Variants in SLC22A12 observed in about 807,000 individuals in gnomAD.
The protein encoded by SLC22A12 is solute carrier family 22 member 12, also known as organic anion transporter 4-like protein.
In SLC22A12, 56 loss-of-function variants were observed where a neutral mutation model predicts 52.7. That is an observed-to-expected ratio of 1.06 (90% CI 0.86 to 1.33). The LOEUF is 1.33. Ranked by LOEUF, SLC22A12 falls within the 40% of genes most tolerant of loss-of-function variation. The pLI is 0.00. For missense variants in SLC22A12, 683 were observed against 741.5 expected (o/e 0.92, Z 0.92); for synonymous variants, 337 against 324.6 (o/e 1.04, Z -0.41).
At chr11:64,599,599 C>A (rs1160872996) in intron 6 of SLC22A12, 77 bp from the exon 7 acceptor site, 13 of 702,536 alleles carry the variant, frequency 1.9e-5, no homozygotes, top group Non-Finnish European at 2.5e-5. Flanking sequence ...GAGCCCCCAC[C>A]GCCCATTGTT....
In SLC22A12 at chr11:64,591,463, A is replaced by G. The variant is rs1591385661; in HGVS notation, c.-94A>G. Reference sequence around the variant, plus strand: ...GGCTGGAGAAGCCACTGTGGGCACCACCGTGGGGGAAACAGGCCCGTTGCC... The same window carrying G: ...GGCTGGAGAAGCCACTGTGGGCACCGCCGTGGGGGAAACAGGCCCGTTGCC... On this transcript the variant is annotated 5_prime_UTR_variant, in exon 1 of 10. Coordinates refer to ENST00000377574, the MANE Select transcript of SLC22A12 (RefSeq NM_144585.4). The G allele has an allele frequency of 5.8e-6, 9 of 1,553,338 alleles. No homozygotes were observed. In the East Asian group the frequency reaches 2.0e-4, roughly 35 times the overall value.
chr11:64,597,270 C>A (rs959240877), intron 4 of SLC22A12, among the ~76,000 whole-genome samples: 12 of 152,126 alleles, frequency 7.9e-5, no homozygotes. Flanking sequence ...CACACTCTCT[C>A]CCTCAGGCAG....
Position 64,599,851 on chromosome 11 carries a change from G to A in SLC22A12, c.1246G>A (p.Ala416Thr), listed in dbSNP as rs780122850. 1 of 1,612,764 alleles carries A rather than the reference G, an allele frequency of 6.2e-7. No homozygotes were observed. Among genetic ancestry groups the A allele is most frequent in the Admixed American group, 1.7e-5 (1 of 60,002 alleles). Residue 416 changes from alanine to threonine, a missense_variant, in exon 7 of 10, where the codon GCA (alanine) becomes ACA (threonine). Ala to Thr is a moderately conservative substitution (Grantham distance 58, BLOSUM62 0). Transcript: ENST00000377574. ...RPTLAASLLLAGLCILANTLV... is the reference protein window; with the variant it reads ...RPTLAASLLLTGLCILANTLV... ...CACGCTGGCCGCATCCCTGTTGCTG[G>A]CAGGGCTCTGCATTCTGGCCAACAC...
chr11:64,599,932 G>A (rs538629966), intron 7 of SLC22A12, 42 bp downstream of exon 7: 11 of 1,584,278 alleles, frequency 6.9e-6, no homozygotes, highest in East Asian at 4.6e-5. Context: ...CCCTACCTTG[G>A]GGGGGTCTCG....
In SLC22A12 at chr11:64,602,257, C is replaced by T; in HGVS notation, c.*706C>T. 6.1e-6 allele frequency: 1 copy of T among 163,474 alleles called. No individual in the cohort carries two copies. Among genetic ancestry groups the T allele is most frequent in the Non-Finnish European group, 1.3e-5 (1 of 74,638 alleles). The allele number at this position is 163,474 out of a possible 1,614,324, so 10.1% of individuals were successfully genotyped here. A position where few individuals can be genotyped will look rare whatever the true frequency, so the allele number is the denominator to read the frequency against. On this transcript the variant is annotated 3_prime_UTR_variant, in exon 10 of 10. Coordinates refer to ENST00000377574, the MANE Select transcript of SLC22A12 (RefSeq NM_144585.4). ...CCTATGAGTTCCCAGAGGGTTGGGG[C>T]AGTCCCATGACCCCATGTCCCAGCT...
rs566642658 is a variant in SLC22A12, at chr11:64,599,785, A to G, written c.1180A>G (p.Met394Val). 3.7e-6 allele frequency: 6 copies of G among 1,612,866 alleles called. No homozygotes were observed. The highest frequency in any genetic ancestry group is 2.7e-5 in the African/African-American group (2 of 74,918). The change falls in exon 7 of 10, where the codon ATG becomes GTG. Residue 394 changes from methionine to valine, a missense_variant. Transcript: ENST00000377574. ...TGGTGTCGTGGACATCCCAGCCAAG[A>G]TGGGCGCCCTGCTGCTGCTGAGCCA... ...FIGVVDIPAK[M>V]GALLLLSHLG...
Position 64,599,773 on chromosome 11 carries a change from A to C in SLC22A12, c.1168A>C (p.Ile390Leu). The change falls in exon 7 of 10, where the codon ATC becomes CTC. Residue 390 changes from isoleucine (I) to leucine (L), a missense_variant. Physicochemically the swap from Ile to Leu is conservative, Grantham distance 5. Transcript: ENST00000377574. ...CCAAATGTTCATTGGTGTCGTGGACATCCCAGCCAAGATGGGCGCCCTGCT... is the reference window on the plus strand; with the variant it reads ...CCAAATGTTCATTGGTGTCGTGGACCTCCCAGCCAAGATGGGCGCCCTGCT... ...LLQMFIGVVDIPAKMGALLLL... is the reference protein window; with the variant it reads ...LLQMFIGVVDLPAKMGALLLL... 1 of 1,612,628 alleles carries C rather than the reference A, an allele frequency of 6.2e-7. No homozygotes were observed. Among genetic ancestry groups the C allele is most frequent in the Non-Finnish European group, 8.5e-7 (1 of 1,179,782 alleles).
Position 64,592,782 on chromosome 11 carries a change from A to C in SLC22A12, c.406A>C (p.Asn136His). 6.2e-7 allele frequency: 1 copy of C among 1,613,220 alleles called. No individual in the cohort carries two copies. The highest frequency in any genetic ancestry group is 8.5e-7 in the Non-Finnish European group (1 of 1,179,588). The stretch of plus-strand genomic sequence containing the variant: ...CAGCCTCCTCCTCTCCCATCAGTGG[A>C]ACCTCGTGTGTGACTCTCATGCTCT... ...IFTSTIVAKW[N>H]LVCDSHALKP... Residue 136 changes from asparagine (N) to histidine (H), a missense_variant, in exon 2 of 10, where the codon AAC becomes CAC. By Grantham distance (68) the Asn-to-His change is moderately conservative. Coordinates refer to ENST00000377574, the MANE Select transcript of SLC22A12 (RefSeq NM_144585.4).
intron 4 of SLC22A12, 38 bp from the exon 5 acceptor site, chr11:64,598,478 C>T (rs1414198475): frequency 6.4e-7 from 1 of 1,553,136 alleles, no homozygotes; most frequent in Non-Finnish European, 8.7e-7. Flanking sequence ...CACTGGGGGC[C>T]ACAGGCAATG....
At chr11:64,596,100 G>A (rs1490021030) in intron 4 of SLC22A12, among the ~76,000 whole-genome samples, 1 of 151,446 alleles carries the variant, frequency 6.6e-6, no homozygotes, top group African/African-American at 2.4e-5. Flanking sequence ...ATGGATGGAT[G>A]GATGGAATGG....
Position 64,593,474 on chromosome 11 carries a change from C to T in SLC22A12, c.576C>T (p.Phe192=), listed in dbSNP as rs747260736. 1.7e-5 allele frequency: 28 copies of T among 1,613,992 alleles called. No individual in the cohort carries two copies. Among genetic ancestry groups the T allele is most frequent in the Admixed American group, 6.7e-5 (4 of 60,016 alleles). ...CTGTGATGGGTACGGCAGCTGCCTT[C>T]GCCCCTGCCTTCCCCGTGTACTGCC... ...QMAVMGTAAA[F]APAFPVYCLF... is the part of the protein sequence containing the mutation. The change falls in exon 3 of 10, where the codon TTC becomes TTT. Residue 192 remains phenylalanine, a synonymous_variant. Coordinates refer to ENST00000377574, the MANE Select transcript of SLC22A12 (RefSeq NM_144585.4).
chr11:64,593,252 C>T lies in SLC22A12; in HGVS notation c.507-153C>T, dbSNP rs371761990. Among the ~76,000 whole-genome samples, 34 of 152,374 alleles carry T rather than the reference C, an allele frequency of 2.2e-4. No homozygotes were observed. The East Asian group carries it at 2.9e-3, about 13-fold the overall frequency. ...ACTCTCCTTGTGCTCCGGAGGGTTC[C>T]GTAGGTGGAGAATGTAGGTTTCACC... On this transcript the variant is annotated intron_variant, in intron 2 of 9. Coordinates refer to ENST00000377574, the MANE Select transcript of SLC22A12 (RefSeq NM_144585.4).
At chr11:64,592,315 G>A (rs912842290) in intron 1 of SLC22A12, among the ~76,000 whole-genome samples, 6 of 152,166 alleles carry the variant, frequency 3.9e-5, no homozygotes, top group Non-Finnish European at 7.3e-5. Flanking sequence ...TGGATTCCCC[G>A]AGACCAAAGC....
In SLC22A12 at chr11:64,591,766, G is replaced by A; in HGVS notation, c.210G>A (p.Glu70=). The stretch of plus-strand genomic sequence containing the variant: ...GCATCCTAGGGAGCTTGAGTCCTGA[G>A]GCCCTCCTGGCTATTTCCATCCCGC... ...QASILGSLSP[E]ALLAISIPPG... The change falls in exon 1 of 10, where the codon GAG becomes GAA. Residue 70 remains glutamate (E), a synonymous_variant. Transcript: ENST00000377574. The A allele has an allele frequency of 3.1e-6, 5 of 1,612,946 alleles. No homozygotes were observed. The highest frequency in any genetic ancestry group is 4.2e-6 in the Non-Finnish European group (5 of 1,180,020).
chr11:64,592,735 G>A (rs2135442331), intron 1 of SLC22A12, 44 bp from the exon 2 acceptor site: 1 of 1,533,904 alleles, frequency 6.5e-7, no homozygotes. Flanking sequence ...TCTCTGCTGG[G>A]GCTCTCCCAA....
rs963971460 is a variant in SLC22A12 at position 64,591,505 on chromosome 11, G to C, written c.-52G>C. ...CCCGTTGCCCTGGCCTCTTTGCCCT[G>C]GGCCAGCCTTTGTGAAGTGGGCCCC... On this transcript the variant is annotated 5_prime_UTR_variant, in exon 1 of 10. Coordinates refer to ENST00000377574, the MANE Select transcript of SLC22A12 (RefSeq NM_144585.4). 40 of 1,603,136 alleles carry C rather than the reference G, an allele frequency of 2.5e-5. No individual in the cohort carries two copies. The African/African-American group carries it at 4.4e-4, about 18-fold the overall frequency.
chr11:64,598,859 A>T lies in SLC22A12; in HGVS notation c.1006A>T (p.Ser336Cys). ...GCTGAGCATGGGCCAGCCTCCTGCC[A>T]GCCTGGGCACCCTGCTCCGCATGCC... ...EELSMGQPPA[S>C]LGTLLRMPGL... Residue 336 changes from serine (S) to cysteine (C), a missense_variant, in exon 6 of 10, where the codon AGC becomes TGC. Coordinates refer to ENST00000377574, the MANE Select transcript of SLC22A12 (RefSeq NM_144585.4). 5.0e-6 allele frequency: 8 copies of T among 1,612,786 alleles called. No homozygotes were observed. Among genetic ancestry groups the T allele is most frequent in the Non-Finnish European group, 6.8e-6 (8 of 1,179,950 alleles).
At chr11:64,597,442 T>A (rs1436857911) in intron 4 of SLC22A12, among the ~76,000 whole-genome samples, 1 of 152,044 alleles carries the variant, frequency 6.6e-6, no homozygotes, top group Non-Finnish European at 1.5e-5. Context: ...CTTAGACCTC[T>A]CCTCCCCAAG....
chr11:64,592,052 G>C (rs967558948), intron 1 of SLC22A12, 94 bp downstream of exon 1: 1 of 1,527,238 alleles, frequency 6.5e-7, no homozygotes, highest in African/African-American at 1.4e-5. Context: ...TCCTGGGAGG[G>C]ACCCACCTCC....
Sources: allele counts gnomAD v4.1 joint callset (sites outside exome capture counted in the v4.1 genomes callset), GRCh38; gene constraint gnomAD v4.1.1; transcripts MANE v1.5; gene names NCBI Gene and HGNC (gene_info 2026-07-23, HGNC 2026-07-21).